STX19: variants seen among roughly 807,000 people sequenced by gnomAD.
STX19 encodes syntaxin-19.
A neutral mutation model predicts 24.3 loss-of-function variants in STX19; 26 were observed. The ratio of observed to expected loss-of-function variants is 1.07; its 90% CI spans 0.78 to 1.48. The LOEUF is 1.48. STX19 is among the 40% of genes most tolerant of loss of function. The probability of loss-of-function intolerance (pLI) is 0.00; values close to 1 mark genes in which losing one functional copy is unlikely to be tolerated. For synonymous variants in STX19, 116 were observed against 106.9 expected, an observed-to-expected ratio of 1.09 and a Z score of -0.52; for missense variants, 367 against 331.9, an observed-to-expected ratio of 1.11 and a Z score of -0.82.
At chr3:94,026,884 G>A (rs567929580) in intron 1 of STX19, among the ~76,000 whole-genome samples, 22 of 152,070 alleles carry the variant, frequency 1.4e-4, no homozygotes, top group African/African-American at 3.1e-4. Context: ...ACACTAACTC[G>A]TATGTATGAT....
chr3:94,016,179 A>G (rs34424617), intron 1 of STX19, among the ~76,000 whole-genome samples: 12,417 of 152,214 alleles, frequency 0.082, 630 homozygotes, highest in Middle Eastern at 0.19. Context: ...GTAAAATGCT[A>G]TTATCACAGA....
chr3:94,016,862 G>T (rs2076344006), intron 1 of STX19, among the ~76,000 whole-genome samples: 1 of 152,084 alleles, frequency 6.6e-6, no homozygotes, highest in South Asian at 2.1e-4. Flanking sequence ...GGCCAGGCTG[G>T]TCTCAAACTC....
intron 1 of STX19, among the ~76,000 whole-genome samples, chr3:94,024,970 T>C (rs948936093): frequency 3.9e-5 from 6 of 152,176 alleles, no homozygotes; most frequent in African/African-American, 1.4e-4. Flanking sequence ...AGAAATAGAC[T>C]ATTTCAAATT....
intron 1 of STX19, among the ~76,000 whole-genome samples, chr3:94,023,375 T>C (rs937722910): frequency 2.6e-5 from 4 of 152,140 alleles, no homozygotes; most frequent in Admixed American, 2.0e-4. Context: ...TTTTTCATAT[T>C]CCTGGTGTTC....
intron 1 of STX19, among the ~76,000 whole-genome samples, chr3:94,020,839 C>T (rs2076432252): frequency 6.6e-6 from 1 of 151,970 alleles, no homozygotes; most frequent in African/African-American, 2.4e-5. Context: ...TTTGTTTTTG[C>T]CACTGATTTG....
rs749663559 is a variant in STX19 at position 94,015,095 on chromosome 3, C to A, written c.175G>T (p.Glu59Ter). The A allele has an allele frequency of 6.2e-7, 1 of 1,613,810 alleles. No homozygotes were observed. The highest frequency in any genetic ancestry group is 8.5e-7 in the Non-Finnish European group (1 of 1,179,898). The part of the protein sequence containing the change: ...RHLHEIQKLQ[E>*]SINNLADNVQ... Reference sequence around the variant, plus strand: ...TTATCTGCCAAATTGTTAATACTTTCCTGTAGTTTTTGGATTTCATGTAGG... The same window carrying A: ...TTATCTGCCAAATTGTTAATACTTTACTGTAGTTTTTGGATTTCATGTAGG... Residue 59 changes from glutamate to a stop codon, truncating the protein, a stop_gained, in exon 2 of 2, where the codon GAA becomes TAA. Coordinates refer to ENST00000315099, the MANE Select transcript of STX19 (RefSeq NM_001001850.3). LOFTEE classifies it high-confidence loss of function.
At chr3:94,020,963 T>G (rs2076435607) in intron 1 of STX19, among the ~76,000 whole-genome samples, 1 of 152,038 alleles carries the variant, frequency 6.6e-6, no homozygotes, top group African/African-American at 2.4e-5. Flanking sequence ...GTCTATATTC[T>G]ACTTTACTGG....
At chr3:94,016,752 T>G (rs1184207785) in intron 1 of STX19, among the ~76,000 whole-genome samples, 1 of 151,854 alleles carries the variant, frequency 6.6e-6, no homozygotes, top group Middle Eastern at 3.2e-3. Context: ...GTTTAAGTGA[T>G]TCTCCTGCCT....
chr3:94,023,198 T>C (rs1481285326), intron 1 of STX19, among the ~76,000 whole-genome samples: 1 of 152,206 alleles, frequency 6.6e-6, no homozygotes, highest in Non-Finnish European at 1.5e-5. Context: ...ACTTGAATAC[T>C]ATATTTTCTG....
At chr3:94,020,645 GA>G (rs1389782019) in intron 1 of STX19, among the ~76,000 whole-genome samples, 2 of 152,152 alleles carry the variant, frequency 1.3e-5, no homozygotes, top group African/African-American at 4.8e-5. Flanking sequence ...GTGTTTTATA[GA>G]TATTAAAAGT....
intron 1 of STX19, among the ~76,000 whole-genome samples, chr3:94,027,761 G>A (rs1305371351): frequency 6.6e-6 from 1 of 151,856 alleles, no homozygotes; most frequent in Non-Finnish European, 1.5e-5. Flanking sequence ...TAACACTTAC[G>A]TTAAATGGTA....
rs750088247 is a variant in STX19, at chr3:94,015,001, CTCTTAAGTAGACTAAACCT to C, written c.250_268del (p.Arg84GlufsTer9). 16 of 1,613,962 alleles carry C rather than the reference CTCTTAAGTAGACTAAACCT, an allele frequency of 9.9e-6. No homozygotes were observed. The African/African-American group carries it at 1.7e-4, about 17-fold the overall frequency. On this transcript the variant is annotated frameshift_variant, in exon 2 of 2. Coordinates refer to ENST00000315099, the MANE Select transcript of STX19 (RefSeq NM_001001850.3). LOFTEE classifies it high-confidence loss of function. ...TATCTCCTTTGTAATGGTAGACTCTCTCTTAAGTAGACTAAACCTTCTCATTGAAGCCACCAGACTTTTC... is the reference window on the plus strand; with the variant it reads ...TATCTCCTTTGTAATGGTAGACTCTCTCTCATTGAAGCCACCAGACTTTTC...
intron 1 of STX19, among the ~76,000 whole-genome samples, chr3:94,018,412 G>T (rs749714219): frequency 3.4e-4 from 51 of 152,034 alleles, no homozygotes; most frequent in Non-Finnish European, 6.8e-4. Flanking sequence ...TTGAAGAAAA[G>T]TATTTCTCCT....
intron 1 of STX19, among the ~76,000 whole-genome samples, chr3:94,018,701 A>G (rs930693872): frequency 1.3e-5 from 2 of 152,086 alleles, no homozygotes; most frequent in African/African-American, 2.4e-5. Context: ...TGAACCCGTA[A>G]ACTGCCCCAT....
intron 1 of STX19, among the ~76,000 whole-genome samples, chr3:94,019,169 T>C (rs2076396261): frequency 6.6e-6 from 1 of 152,082 alleles, no homozygotes; most frequent in Admixed American, 6.6e-5. Context: ...CCTCTTACCA[T>C]CTCCCTGGTT....
At chr3:94,027,668 T>C (rs2076585787) in intron 1 of STX19, among the ~76,000 whole-genome samples, 1 of 152,090 alleles carries the variant, frequency 6.6e-6, no homozygotes, top group Non-Finnish European at 1.5e-5. Context: ...GTAACAATTA[T>C]AACTTTGAAA....
intron 1 of STX19, among the ~76,000 whole-genome samples, chr3:94,017,669 G>T (rs2107502973): frequency 6.6e-6 from 1 of 152,282 alleles, no homozygotes; most frequent in East Asian, 1.9e-4. Context: ...CAATTTAAAA[G>T]ATAAACGGGA....
intron 1 of STX19, among the ~76,000 whole-genome samples, chr3:94,020,372 G>A (rs2076422119): frequency 6.6e-6 from 1 of 152,188 alleles, no homozygotes. Context: ...ATTGAACCAT[G>A]TTGTCAGCTA....
intron 1 of STX19, among the ~76,000 whole-genome samples, chr3:94,019,394 A>G (rs1041996012): frequency 6.6e-6 from 1 of 151,242 alleles, no homozygotes. Context: ...ATAGGGTTTC[A>G]CCATATTGGT....
Sources: allele counts gnomAD v4.1 joint callset (sites outside exome capture counted in the v4.1 genomes callset), GRCh38; gene constraint gnomAD v4.1.1; transcripts MANE v1.5; gene names NCBI Gene and HGNC (gene_info 2026-07-23, HGNC 2026-07-21).